Variants in KCNMB2 observed in about 807,000 individuals in gnomAD.
The protein encoded by KCNMB2 is calcium-activated potassium channel subunit beta-2.
In KCNMB2, 9 loss-of-function variants were observed where a neutral mutation model predicts 24.5. That is an observed-to-expected ratio of 0.37 (90% CI 0.22 to 0.64). The LOEUF (loss-of-function observed/expected upper bound fraction) is 0.64, where lower values mean the gene tolerates loss of function less well. KCNMB2 is among the 30% of genes least tolerant of loss of function. The probability of loss-of-function intolerance (pLI) is 0.63; values close to 1 mark genes in which losing one functional copy is unlikely to be tolerated. For synonymous variants in KCNMB2, 109 were observed against 104.4 expected, an observed-to-expected ratio of 1.04 and a Z score of -0.27; for missense variants, 226 against 284.3, an observed-to-expected ratio of 0.79 and a Z score of 1.47.
At chr3:178,614,287 A>ATATATATATATGTATG (rs1718616528) in intron 1 of KCNMB2, among the ~76,000 whole-genome samples, 1 of 74,508 alleles carries the variant, frequency 1.3e-5, no homozygotes, top group African/African-American at 4.5e-5. Flanking sequence ...ATATATATAT[A>ATATATATATATGTATG]TATATATATG....
At chr3:178,616,573 T>C (rs559293818) in intron 1 of KCNMB2, among the ~76,000 whole-genome samples, 52 of 152,330 alleles carry the variant, frequency 3.4e-4, no homozygotes, top group African/African-American at 1.2e-3. Flanking sequence ...AATTCAGAAC[T>C]GTTTTTTTCT....
intron 1 of KCNMB2, among the ~76,000 whole-genome samples, chr3:178,718,230 T>A (rs532841451): frequency 1.2e-4 from 19 of 152,360 alleles, no homozygotes; most frequent in African/African-American, 4.1e-4. Context: ...ACAAGCGTCT[T>A]GCAGCTTTGT....
chr3:178,725,714 GC>G (rs1231028576), intron 1 of KCNMB2, among the ~76,000 whole-genome samples: 1 of 151,926 alleles, frequency 6.6e-6, no homozygotes. Context: ...TATTTCATGT[GC>G]TGTTATTCGA....
rs543773183 is a variant in KCNMB2, at chr3:178,732,817, G to A, written c.-67-74526G>A. Among the ~76,000 whole-genome samples the A allele has an allele frequency of 2.6e-5, 4 of 152,280 alleles. No homozygotes were observed. In the South Asian group the frequency reaches 8.3e-4, roughly 32 times the overall value. On this transcript the variant is annotated intron_variant, in intron 1 of 4. Coordinates refer to ENST00000452583, the MANE Select transcript of KCNMB2 (RefSeq NM_181361.3). ...GAACCTAACTCTGTATTTCCTCCAG[G>A]AGTCATGGTTTAGTACTCGCTGGCT...
At chr3:178,831,536 C>T (rs1715057066) in intron 4 of KCNMB2, among the ~76,000 whole-genome samples, 1 of 152,104 alleles carries the variant, frequency 6.6e-6, no homozygotes, top group Non-Finnish European at 1.5e-5. Flanking sequence ...AAATGTGGTA[C>T]ATATACACCA....
intron 1 of KCNMB2, among the ~76,000 whole-genome samples, chr3:178,572,583 A>C (rs79717667): frequency 1.3e-5 from 2 of 152,244 alleles, no homozygotes; most frequent in Non-Finnish European, 2.9e-5. Context: ...TTTGAAAAAG[A>C]CTTGCAATTT....
intron 1 of KCNMB2, among the ~76,000 whole-genome samples, chr3:178,677,768 G>C (rs1025850354): frequency 5.9e-5 from 9 of 152,172 alleles, no homozygotes; most frequent in African/African-American, 1.7e-4. Flanking sequence ...GAGAAAGCAA[G>C]CAAGCCCTTC....
chr3:178,602,063 G>A (rs1718100916), intron 1 of KCNMB2, among the ~76,000 whole-genome samples: 1 of 152,154 alleles, frequency 6.6e-6, no homozygotes, highest in South Asian at 2.1e-4. Context: ...TGATAGAGGA[G>A]AGAGGTATAA....
In KCNMB2 at chr3:178,635,408, TACACAC is replaced by T. The variant is rs58294929; in HGVS notation, c.-68+98728_-68+98733del. On this transcript the variant is annotated intron_variant, in intron 1 of 4. Transcript: ENST00000452583. ...TATCCCTTACACAGGTGCTTATGCA[TACACAC>T]ACACACACACACACACACACACACA... Among the ~76,000 whole-genome samples the T allele has an allele frequency of 2.0e-3, 291 of 144,936 alleles. 3 individuals are homozygous for T. The highest frequency in any genetic ancestry group is 0.017 in the Middle Eastern group (5 of 294).
intron 1 of KCNMB2, among the ~76,000 whole-genome samples, chr3:178,712,380 AG>A: frequency 6.6e-6 from 1 of 152,318 alleles, no homozygotes; most frequent in Middle Eastern, 3.4e-3. Flanking sequence ...AGGAGGTTGC[AG>A]TCATGTGAAT....
chr3:178,653,698 A>G (rs1720216455), intron 1 of KCNMB2, among the ~76,000 whole-genome samples: 1 of 152,138 alleles, frequency 6.6e-6, no homozygotes, highest in South Asian at 2.1e-4. Context: ...GAATTGAATT[A>G]CATTAATATA....
chr3:178,712,205 A>T (rs979174943), intron 1 of KCNMB2, among the ~76,000 whole-genome samples: 1 of 152,204 alleles, frequency 6.6e-6, no homozygotes, highest in Non-Finnish European at 1.5e-5. Flanking sequence ...TAACAAGAGT[A>T]ACATATTTAC....
chr3:178,836,929 A>C (rs1715255320), intron 4 of KCNMB2, among the ~76,000 whole-genome samples: 1 of 152,200 alleles, frequency 6.6e-6, no homozygotes, highest in Non-Finnish European at 1.5e-5. Flanking sequence ...ATTCAAAACC[A>C]AAGACATAAA....
At chr3:178,724,602 T>C (rs2108361449) in intron 1 of KCNMB2, among the ~76,000 whole-genome samples, 1 of 152,220 alleles carries the variant, frequency 6.6e-6, no homozygotes, top group Admixed American at 6.5e-5. Context: ...GAAGAGTATT[T>C]TCTAGGGTTT....
At chr3:178,614,160 T>A (rs1226621321) in intron 1 of KCNMB2, among the ~76,000 whole-genome samples, 1 of 145,864 alleles carries the variant, frequency 6.9e-6, no homozygotes, top group African/African-American at 2.5e-5. Context: ...TTCCTTTTAA[T>A]TATTTCTGTC....
chr3:178,551,717 T>A (rs1192402053), intron 1 of KCNMB2, among the ~76,000 whole-genome samples: 1 of 152,234 alleles, frequency 6.6e-6, no homozygotes, highest in Non-Finnish European at 1.5e-5. Context: ...ACTAGGCATT[T>A]TACCTGCATT....
chr3:178,695,522 G>A (rs1472818703), intron 1 of KCNMB2, among the ~76,000 whole-genome samples: 5 of 152,002 alleles, frequency 3.3e-5, no homozygotes, highest in Non-Finnish European at 4.4e-5. Flanking sequence ...CTTGCTGCTT[G>A]TAAATTTCTT....
At chr3:178,721,503 T>C (rs746766049) in intron 1 of KCNMB2, among the ~76,000 whole-genome samples, 1 of 152,248 alleles carries the variant, frequency 6.6e-6, no homozygotes, top group Non-Finnish European at 1.5e-5. Context: ...AGTTGCAGTT[T>C]ATGGTGATTG....
At chr3:178,623,172 C>G (rs1056094269) in intron 1 of KCNMB2, among the ~76,000 whole-genome samples, 7 of 152,232 alleles carry the variant, frequency 4.6e-5, no homozygotes, top group Non-Finnish European at 4.4e-5. Context: ...TATTCTGTGT[C>G]TGATGGTGTG....
Sources: allele counts gnomAD v4.1 joint callset (sites outside exome capture counted in the v4.1 genomes callset), GRCh38; gene constraint gnomAD v4.1.1; transcripts MANE v1.5; gene names NCBI Gene and HGNC (gene_info 2026-07-23, HGNC 2026-07-21).